Variants in PLCL1 observed in about 807,000 individuals in gnomAD.
PLCL1 encodes the protein phospholipase C like 1 (inactive).
Under a neutral mutation model 84.4 loss-of-function variants are expected in PLCL1, and 41 were observed. That is an observed-to-expected ratio of 0.49 (90% CI 0.38 to 0.63). The LOEUF (loss-of-function observed/expected upper bound fraction) is 0.63. PLCL1 is among the 30% of genes least tolerant of loss of function. The pLI, the probability that PLCL1 is intolerant of heterozygous loss-of-function variation, is 0.00. For missense variants in PLCL1, 1,206 were observed against 1,367.8 expected (o/e 0.88, Z 1.87); for synonymous variants, 490 against 488.3 (o/e 1.00, Z -0.05).
intron 1 of PLCL1, among the ~76,000 whole-genome samples, chr2:197,986,671 T>C (rs1690225909): frequency 6.6e-6 from 1 of 152,210 alleles, no homozygotes; most frequent in Non-Finnish European, 1.5e-5. Flanking sequence ...TTTTGATAGA[T>C]TTAACATCAG....
At chr2:198,122,791 A>T (rs952528624) in intron 5 of PLCL1, among the ~76,000 whole-genome samples, 2 of 152,132 alleles carry the variant, frequency 1.3e-5, no homozygotes, top group Admixed American at 1.3e-4. Flanking sequence ...CTTAACAACA[A>T]ATAATCACTT....
chr2:197,885,834 G>A (rs570685322), intron 1 of PLCL1, among the ~76,000 whole-genome samples: 11 of 152,160 alleles, frequency 7.2e-5, no homozygotes, highest in Non-Finnish European at 1.2e-4. Context: ...ACGGTGTGGA[G>A]GAAGACATAT....
intron 1 of PLCL1, among the ~76,000 whole-genome samples, chr2:198,012,872 T>G (rs1290722549): frequency 6.6e-6 from 1 of 152,020 alleles, no homozygotes; most frequent in Non-Finnish European, 1.5e-5. Flanking sequence ...ATAGATAGTT[T>G]ATTTGTGGTT....
intron 1 of PLCL1, among the ~76,000 whole-genome samples, chr2:197,835,078 T>C (rs1018269649): frequency 6.6e-6 from 1 of 152,134 alleles, no homozygotes; most frequent in South Asian, 2.1e-4. Flanking sequence ...ATGGTCTCAC[T>C]CATAAGTGTG....
At chr2:198,036,383 G>A (rs1010047876) in intron 1 of PLCL1, among the ~76,000 whole-genome samples, 55 of 152,182 alleles carry the variant, frequency 3.6e-4, no homozygotes, top group Non-Finnish European at 5.1e-4. Flanking sequence ...CTATTAGTTT[G>A]AATTAAGTTG....
chr2:198,084,012 G>C lies in PLCL1; in HGVS notation c.495G>C (p.Glu165Asp), dbSNP rs1297667404. ...AGCTTGATATTTCTGCCATAAAAGA[G>C]ATCAGACTGGGGAAAAACACGGAAA... ...KAKLDISAIK[E>D]IRLGKNTETF... The change falls in exon 2 of 6, where the codon GAG (glutamate) becomes GAC (aspartate). Residue 165 changes from glutamate to aspartate, a missense_variant. Glu to Asp is a conservative substitution (Grantham distance 45). Transcript: ENST00000428675. The C allele has an allele frequency of 6.2e-7, 1 of 1,614,160 alleles. No homozygotes were observed. Among genetic ancestry groups the C allele is most frequent in the Non-Finnish European group, 8.5e-7 (1 of 1,180,018 alleles).
intron 1 of PLCL1, among the ~76,000 whole-genome samples, chr2:197,831,852 T>C (rs1014539282): frequency 3.3e-5 from 5 of 152,088 alleles, no homozygotes; most frequent in Non-Finnish European, 5.9e-5. Flanking sequence ...TTAGAACTCA[T>C]GATTAAGAAA....
intron 1 of PLCL1, among the ~76,000 whole-genome samples, chr2:197,928,931 T>C (rs1688881419): frequency 6.6e-6 from 1 of 152,204 alleles, no homozygotes; most frequent in South Asian, 2.1e-4. Context: ...CATTGCCTTC[T>C]GTTTGGATTA....
intron 1 of PLCL1, among the ~76,000 whole-genome samples, chr2:198,068,388 T>C (rs1692368555): frequency 6.6e-6 from 1 of 152,254 alleles, no homozygotes; most frequent in Admixed American, 6.5e-5. Context: ...TTGCTGCCCA[T>C]GATCCTTTTA....
intron 1 of PLCL1, among the ~76,000 whole-genome samples, chr2:197,891,016 A>G (rs1164791807): frequency 6.6e-6 from 1 of 151,598 alleles, no homozygotes; most frequent in African/African-American, 2.4e-5. Context: ...ATTCCAAAGG[A>G]TAGAGTTTTA....
chr2:197,840,289 G>T (rs1354150767), intron 1 of PLCL1, among the ~76,000 whole-genome samples: 1 of 151,764 alleles, frequency 6.6e-6, no homozygotes, highest in Admixed American at 6.6e-5. Context: ...TCCCCTGTCT[G>T]GTCAGGAAGG....
intron 1 of PLCL1, among the ~76,000 whole-genome samples, chr2:197,891,151 A>G (rs1688019415): frequency 6.6e-6 from 1 of 152,100 alleles, no homozygotes; most frequent in Admixed American, 6.5e-5. Flanking sequence ...CATAGCATGC[A>G]TCTCCTACAT....
chr2:197,925,160 T>C (rs1255868205), intron 1 of PLCL1, among the ~76,000 whole-genome samples: 1 of 152,184 alleles, frequency 6.6e-6, no homozygotes, highest in African/African-American at 2.4e-5. Context: ...ACATGCTGTT[T>C]CCCACACTGA....
intron 5 of PLCL1, among the ~76,000 whole-genome samples, chr2:198,115,285 C>T (rs1693717913): frequency 1.3e-5 from 2 of 151,804 alleles, no homozygotes; most frequent in African/African-American, 4.8e-5. Context: ...ATATTTTCTC[C>T]AGATTGGTTA....
intron 1 of PLCL1, among the ~76,000 whole-genome samples, chr2:197,980,652 T>G (rs1250299307): frequency 6.6e-6 from 1 of 151,980 alleles, no homozygotes; most frequent in Non-Finnish European, 1.5e-5. Flanking sequence ...TACTGGGAAG[T>G]CTCCTGGCCA....
In PLCL1 at chr2:197,879,822, G is replaced by C. The variant is rs139802156; in HGVS notation, c.240+74483G>C. Among the ~76,000 whole-genome samples the C allele has an allele frequency of 9.7e-3, 1,478 of 152,182 alleles. 7 individuals are homozygous for C. Among genetic ancestry groups the C allele is most frequent in the Non-Finnish European group, 0.017 (1,157 of 67,988 alleles). Reference sequence around the variant, plus strand: ...CTTTATCTTTCTGCCTAAGGTCTTTGGAAGCCATTTTTAATCCCACTAAAT... The same window carrying C: ...CTTTATCTTTCTGCCTAAGGTCTTTCGAAGCCATTTTTAATCCCACTAAAT... On this transcript the variant is annotated intron_variant, in intron 1 of 5. Coordinates refer to ENST00000428675, the MANE Select transcript of PLCL1 (RefSeq NM_006226.4).
chr2:197,960,736 C>T (rs1429261416), intron 1 of PLCL1, among the ~76,000 whole-genome samples: 1 of 151,900 alleles, frequency 6.6e-6, no homozygotes, highest in Non-Finnish European at 1.5e-5. Flanking sequence ...ATGTCTATGG[C>T]CGTTTTTGGG....
rs146875957 is a variant in PLCL1, at chr2:198,013,891, C to A, written c.241-69867C>A. On this transcript the variant is annotated intron_variant, in intron 1 of 5. Transcript: ENST00000428675. ...ATAAGCATGATTATTATAATTCACA[C>A]CTCTTTTAAAATCTTAATGTTGTTT... 6.2e-4 allele frequency among the ~76,000 whole-genome samples: 95 copies of A among 152,198 alleles called. 3 individuals carry two copies. In the South Asian group the frequency reaches 0.014, roughly 22 times the overall value.
chr2:197,916,440 C>G (rs1162269433), intron 1 of PLCL1, among the ~76,000 whole-genome samples: 1 of 152,054 alleles, frequency 6.6e-6, no homozygotes, highest in Non-Finnish European at 1.5e-5. Context: ...TCAGTTTTCT[C>G]ATTTATAAAA....
Sources: allele counts gnomAD v4.1 joint callset (sites outside exome capture counted in the v4.1 genomes callset), GRCh38; gene constraint gnomAD v4.1.1; transcripts MANE v1.5; gene names NCBI Gene and HGNC (gene_info 2026-07-23, HGNC 2026-07-21).